ATAD3C: variants seen among roughly 807,000 people sequenced by gnomAD.
ATAD3C encodes the protein ATPase family AAA domain-containing protein 3C.
In ATAD3C, 38 loss-of-function variants were observed where a neutral mutation model predicts 46.3. The observed-to-expected ratio is 0.82, with a 90% confidence interval of 0.63 to 1.08. ATAD3C has a LOEUF of 1.08. ATAD3C is among the 50% of genes least tolerant of loss of function. ATAD3C has a pLI of 0.00. For synonymous variants in ATAD3C, 220 were observed against 236.4 expected, an observed-to-expected ratio of 0.93 and a Z score of 0.63; for missense variants, 563 against 572.7, an observed-to-expected ratio of 0.98 and a Z score of 0.17.
chr1:1,452,571 AC>A, intron 3 of ATAD3C, 137 bp downstream of exon 3: 1 of 1,423,018 alleles, frequency 7.0e-7, no homozygotes, highest in Non-Finnish European at 9.7e-7. Context: ...CCCAAACTGG[AC>A]CTGCTGGTGG....
chr1:1,466,889 G>A (rs918233246), intron 11 of ATAD3C, among the ~76,000 whole-genome samples: 1 of 151,950 alleles, frequency 6.6e-6, no homozygotes, highest in Non-Finnish European at 1.5e-5. Context: ...GGATGAGTGA[G>A]GAAATGTTCT....
chr1:1,467,225 C>T (rs1000642729), intron 11 of ATAD3C, among the ~76,000 whole-genome samples: 1 of 152,090 alleles, frequency 6.6e-6, no homozygotes, highest in African/African-American at 2.4e-5. Flanking sequence ...CCGTGAGCAT[C>T]TGCTCACCCC....
chr1:1,452,008 T>G (rs1034900866), intron 1 of ATAD3C, 38 bp from the exon 2 acceptor site: 1 of 1,610,688 alleles, frequency 6.2e-7, no homozygotes, highest in African/African-American at 1.3e-5. Context: ...TTTTTCTGGT[T>G]TTAAAGGCTT....
rs565358416 is a variant in ATAD3C at position 1,460,790 on chromosome 1, G to A, written c.853G>A (p.Asp285Asn). 9.9e-6 allele frequency: 16 copies of A among 1,612,302 alleles called. No individual in the cohort carries two copies. The East Asian group carries it at 1.8e-4, about 18-fold the overall frequency. ...GGCCAGCTGCCACCCCGAGCAGTTCGACTGGGCCATCAATGCCTGCATCGA... is the reference window on the plus strand; with the variant it reads ...GGCCAGCTGCCACCCCGAGCAGTTCAACTGGGCCATCAATGCCTGCATCGA... ...ILASCHPEQF[D>N]WAINACIDVM... The change falls in exon 10 of 12, where the codon GAC becomes AAC. Residue 285 changes from aspartate (D) to asparagine (N), a missense_variant. Asp to Asn is a conservative substitution (Grantham distance 23, BLOSUM62 1). Transcript: ENST00000378785.
chr1:1,454,434 G>A lies in ATAD3C; in HGVS notation c.312G>A (p.Gly104=), dbSNP rs575610071. The change falls in exon 4 of 12, where the codon GGG becomes GGA. Residue 104 remains glycine (G), a synonymous_variant. Coordinates refer to ENST00000378785, the MANE Select transcript of ATAD3C (RefSeq NM_001039211.3). ...VTGRYIEARL[G]KPSLVRETSR... is the part of the protein sequence containing the mutation. ...GCCGCTACATCGAGGCTCGGCTGGG[G>A]AAGCCGTCCCTAGTGAGGGAGACGT... is the stretch of plus-strand genomic sequence containing the variant. 2.5e-3 allele frequency: 4,016 copies of A among 1,609,444 alleles called. 74 individuals are homozygous for A. Among genetic ancestry groups the A allele is most frequent in the Non-Finnish European group, 3.1e-3 (3,634 of 1,178,882 alleles).
rs181086373 is a variant in ATAD3C, at chr1:1,450,370, T to C, written c.-314T>C. On this transcript the variant is annotated 5_prime_UTR_variant, in exon 1 of 12. Transcript: ENST00000378785. ...TGTGTAACGTGAAAAAATGGACACT[T>C]TAGCCATCGCCTGACTTTCTGTTGA... is the stretch of plus-strand genomic sequence containing the variant. 240 of 340,492 alleles carry C rather than the reference T, an allele frequency of 7.0e-4. 1 individual carries two copies. Among genetic ancestry groups the C allele is most frequent in the African/African-American group, 4.7e-3 (226 of 47,870 alleles). The allele number at this position is 340,492 out of a possible 1,614,324, so 21.1% of individuals were successfully genotyped here.
intron 8 of ATAD3C, 89 bp downstream of exon 8, chr1:1,457,269 A>G (rs1638979368): frequency 1.9e-6 from 3 of 1,586,152 alleles, no homozygotes; most frequent in Non-Finnish European, 2.6e-6. Flanking sequence ...CCCACTGCTC[A>G]ATTTCTTTTT....
At chr1:1,466,040 C>G (rs1040196722) in intron 11 of ATAD3C, among the ~76,000 whole-genome samples, 33 of 151,670 alleles carry the variant, frequency 2.2e-4, no homozygotes, top group Non-Finnish European at 4.7e-4. Context: ...GTCGGCAGTT[C>G]GAGGCCAGCC....
Position 1,469,429 on chromosome 1 carries a change from A to G in ATAD3C, c.*899A>G, listed in dbSNP as rs1240732. 0.31 allele frequency: 43,939 copies of G among 140,616 alleles called. 12,795 individuals are homozygous for G. The highest frequency in any genetic ancestry group is 0.72 in the African/African-American group (28,446 of 39,266). 8.7% of individuals were successfully genotyped at this position (140,616 alleles called of 1,614,324 possible). ...ATCGCACCATTGCACTCCAGCCTGG[A>G]TGATAGAGTGAGACTGTACCTCTAA... On this transcript the variant is annotated 3_prime_UTR_variant, in exon 12 of 12. Transcript: ENST00000378785.
At chr1:1,468,106 T>C (rs77857926) in intron 11 of ATAD3C, among the ~76,000 whole-genome samples, 18 of 152,148 alleles carry the variant, frequency 1.2e-4, no homozygotes, top group African/African-American at 4.1e-4. Context: ...GAAGCTGCCC[T>C]GGGTCGGCCG....
In ATAD3C at chr1:1,450,629, C is replaced by G; in HGVS notation, c.-55C>G. 6.4e-7 allele frequency: 1 copy of G among 1,573,498 alleles called. No individual in the cohort carries two copies. The highest frequency in any genetic ancestry group is 8.6e-7 in the Non-Finnish European group (1 of 1,158,582). On this transcript the variant is annotated 5_prime_UTR_variant, in exon 1 of 12. Transcript: ENST00000378785. ...CCCTTGGCTGGTGTGCGTGCCTGCC[C>G]AGCGGCATCCGTGTATCCTAACACC...
At chr1:1,452,253 C>A in intron 2 of ATAD3C, 112 bp from the exon 3 acceptor site, 1 of 1,588,160 alleles carries the variant, frequency 6.3e-7, no homozygotes. Flanking sequence ...GACACTGCCC[C>A]CCTGTCCTGG....
At position 1,454,375 on chromosome 1, in the gene ATAD3C, G is replaced by T. The variant is rs759767831; in HGVS notation, c.253G>T (p.Val85Phe). The change falls in exon 4 of 12, where the codon GTC becomes TTC. Residue 85 changes from valine (V) to phenylalanine (F), a missense_variant. This residue lies in a region of ATAD3C where 263 missense variants were observed against 243.1 expected (regional missense o/e 1.08). Coordinates refer to ENST00000378785, the MANE Select transcript of ATAD3C (RefSeq NM_001039211.3). ...TGGGCTGACGCTGCTGGCTGTCGGG[G>T]TCTACTCAGCCAAGAATGCGACAGC... ...VAGLTLLAVG[V>F]YSAKNATAVT... 12 of 1,600,816 alleles carry T rather than the reference G, an allele frequency of 7.5e-6. 1 individual carries two copies. The South Asian group carries it at 1.0e-4, about 13-fold the overall frequency.
chr1:1,454,285 C>T, intron 3 of ATAD3C, 60 bp from the exon 4 acceptor site: 1 of 1,544,516 alleles, frequency 6.5e-7, no homozygotes, highest in Non-Finnish European at 8.7e-7. Flanking sequence ...CCGTGCGTCT[C>T]CTGCTCTAGG....
chr1:1,464,640 G>A (rs1457528072), intron 11 of ATAD3C, among the ~76,000 whole-genome samples: 3 of 151,736 alleles, frequency 2.0e-5, no homozygotes, highest in Admixed American at 6.6e-5. Flanking sequence ...GCGTGGTGGT[G>A]TGTGACTGTA....
At position 1,457,171 on chromosome 1, in the gene ATAD3C, G is replaced by A. The variant is rs779142198; in HGVS notation, c.732G>A (p.Lys244=). The change falls in exon 8 of 12, where the codon AAG becomes AAA. Residue 244 remains lysine (K), a synonymous_variant. Transcript: ENST00000378785. ...FVDEADAFLR[K]RATEKISEDL... is the part of the protein sequence containing the mutation. ...ATGAAGCGGACGCCTTCCTTCGGAAGCGAGCCACTGTGAGTGTCACTAAGC... is the reference window on the plus strand; with the variant it reads ...ATGAAGCGGACGCCTTCCTTCGGAAACGAGCCACTGTGAGTGTCACTAAGC... 8 of 1,613,322 alleles carry A rather than the reference G, an allele frequency of 5.0e-6. No individual in the cohort carries two copies. Among genetic ancestry groups the A allele is most frequent in the East Asian group, 4.5e-5 (2 of 44,886 alleles).
chr1:1,468,809 T>G lies in ATAD3C; in HGVS notation c.*279T>G. On this transcript the variant is annotated 3_prime_UTR_variant, in exon 12 of 12. Coordinates refer to ENST00000378785, the MANE Select transcript of ATAD3C (RefSeq NM_001039211.3). ...CTGCCACGGCGGGGCCGGGTGCCCG[T>G]GCCCCATCCTGAGGCCGTGCATACG... is the stretch of plus-strand genomic sequence containing the variant. The G allele has an allele frequency of 2.0e-6, 1 of 491,820 alleles. No individual in the cohort carries two copies. The highest frequency in any genetic ancestry group is 3.6e-6 in the Non-Finnish European group (1 of 280,596). The allele number at this position is 491,820 out of a possible 1,614,324, so 30.5% of individuals were successfully genotyped here. A position where few individuals can be genotyped will look rare whatever the true frequency, so the allele number is the denominator to read the frequency against.
intron 1 of ATAD3C, 94 bp downstream of exon 1, chr1:1,450,852 G>C: frequency 6.4e-7 from 1 of 1,557,816 alleles, no homozygotes; most frequent in Non-Finnish European, 8.7e-7. Flanking sequence ...AGGGCCGGGG[G>C]TGTGTACATG....
chr1:1,459,255 G>A lies in ATAD3C; in HGVS notation c.812+24G>A, dbSNP rs777535435. 8 of 1,610,928 alleles carry A rather than the reference G, an allele frequency of 5.0e-6. No homozygotes were observed. Among genetic ancestry groups the A allele is most frequent in the South Asian group, 2.2e-5 (2 of 90,924 alleles). ...AAGTGAGGGAGCCCCTCGGGTCCTG[G>A]GCCCCCGGGCAGGGCTGTGCAGCCG... On this transcript the variant is annotated intron_variant, in intron 9 of 11. Coordinates refer to ENST00000378785, the MANE Select transcript of ATAD3C (RefSeq NM_001039211.3). The surrounding 1 kb of genome is among the most constrained non-coding windows in gnomAD (Gnocchi z 4.9).
Sources: gnomAD v4.1 joint callset for allele counts (sites outside exome capture counted in the v4.1 genomes callset) on GRCh38, gnomAD v4.1.1 for gene constraint, gnomAD v4.1.1 regional missense constraint, Gnocchi (gnomAD v3.1) non-coding constraint, MANE v1.5 for transcripts, NCBI Gene and HGNC (gene_info 2026-07-23, HGNC 2026-07-21) for gene names.